The following FGF14 variants were observed in gnomAD, a reference collection of about 807,000 sequenced individuals.
FGF14 encodes the protein fibroblast growth factor homologous factor 4.
Under a neutral mutation model 25.5 loss-of-function variants are expected in FGF14, and 5 were observed. The ratio of observed to expected loss-of-function variants is 0.20; its 90% CI spans 0.10 to 0.41. The LOEUF is 0.41. Among genes scored for constraint, FGF14 ranks in the 10% least tolerant of loss-of-function variants. The pLI, the probability that FGF14 is intolerant of heterozygous loss-of-function variation, is 1.00. For missense variants in FGF14, 222 were observed against 320.1 expected (o/e 0.69, Z 2.34); for synonymous variants, 138 against 118.3 (o/e 1.17, Z -1.08).
intron 1 of FGF14, among the ~76,000 whole-genome samples, chr13:102,206,128 AACACACACACACAC>A (rs59340568): frequency 5.4e-5 from 8 of 147,054 alleles, no homozygotes; most frequent in South Asian, 2.2e-4. Context: ...TCAACCTTCA[AACACACACACACAC>A]ACACACACGG....
intron 1 of FGF14, among the ~76,000 whole-genome samples, chr13:102,229,097 C>T (rs1247005720): frequency 1.3e-5 from 2 of 152,100 alleles, no homozygotes; most frequent in Admixed American, 1.3e-4. Flanking sequence ...TGTCAGAGTC[C>T]AACCTTGCCC....
At chr13:102,075,668 C>G (rs1217438323) in intron 1 of FGF14, among the ~76,000 whole-genome samples, 2 of 152,136 alleles carry the variant, frequency 1.3e-5, no homozygotes, top group Non-Finnish European at 2.9e-5. Flanking sequence ...CTATAATAGA[C>G]AAGTTAACTG....
chr13:102,020,852 A>T (rs2040606671), intron 1 of FGF14, among the ~76,000 whole-genome samples: 1 of 152,012 alleles, frequency 6.6e-6, no homozygotes, highest in South Asian at 2.1e-4. Context: ...TTAGGGCAGC[A>T]GCATGATGAC....
chr13:101,980,062 AT>A (rs1368071957), intron 1 of FGF14, among the ~76,000 whole-genome samples: 5 of 152,226 alleles, frequency 3.3e-5, no homozygotes, highest in Non-Finnish European at 5.9e-5. Flanking sequence ...TCATGCTGTT[AT>A]TGCTACTATT....
intron 1 of FGF14, among the ~76,000 whole-genome samples, chr13:101,978,762 G>A (rs2038078684): frequency 6.6e-6 from 1 of 152,136 alleles, no homozygotes. Context: ...CCTCTTATCA[G>A]GCCACCAAGG....
intron 1 of FGF14, among the ~76,000 whole-genome samples, chr13:102,206,024 A>C (rs1432355150): frequency 8.3e-6 from 1 of 120,222 alleles, no homozygotes; most frequent in Non-Finnish European, 1.7e-5. Context: ...AAAAAAAAAA[A>C]AAAAAAAAAA....
intron 1 of FGF14, among the ~76,000 whole-genome samples, chr13:101,951,454 GA>G (rs2036163496): frequency 6.6e-6 from 1 of 151,934 alleles, no homozygotes; most frequent in Admixed American, 6.6e-5. Flanking sequence ...ACAATTTTAG[GA>G]ATTTTATTAA....
At chr13:102,259,673 T>A (rs1217127113) in intron 1 of FGF14, among the ~76,000 whole-genome samples, 1 of 152,150 alleles carries the variant, frequency 6.6e-6, no homozygotes, top group Non-Finnish European at 1.5e-5. Flanking sequence ...GAAGCCAGCA[T>A]AGCACCTAGA....
intron 1 of FGF14, among the ~76,000 whole-genome samples, chr13:101,924,434 A>T (rs1467780861): frequency 6.6e-6 from 1 of 152,194 alleles, no homozygotes; most frequent in East Asian, 1.9e-4. Context: ...AAAGGTAATT[A>T]AAATAGTGAT....
rs568069012 is a variant in FGF14, at chr13:101,916,306, C to G, written c.193+147G>C. 157 of 974,912 alleles carry G rather than the reference C, an allele frequency of 1.6e-4. No individual in the cohort carries two copies. The African/African-American group carries it at 2.4e-3, about 15-fold the overall frequency. 60.4% of individuals were successfully genotyped at this position (974,912 alleles called of 1,614,324 possible). On this transcript the variant is annotated intron_variant, in intron 1 of 4. Coordinates refer to ENST00000376143, the MANE Select transcript of FGF14 (RefSeq NM_004115.4). ...TTGCCCGACAGCGGACTCCAGGGTC[C>G]CCGCGACGGCACCCAGAGTGCTCAG... is the stretch of plus-strand genomic sequence containing the variant.
At chr13:102,010,771 T>C (rs1241943108) in intron 1 of FGF14, among the ~76,000 whole-genome samples, 1 of 152,130 alleles carries the variant, frequency 6.6e-6, no homozygotes, top group South Asian at 2.1e-4. Flanking sequence ...TTTTAGATAA[T>C]GCAACTGGCA....
At chr13:102,094,405 C>T (rs2044300694) in intron 1 of FGF14, among the ~76,000 whole-genome samples, 1 of 152,148 alleles carries the variant, frequency 6.6e-6, no homozygotes, top group African/African-American at 2.4e-5. Flanking sequence ...AAACAAGAAG[C>T]AGCAGATGAT....
chr13:101,951,252 A>C (rs559198676), intron 1 of FGF14, among the ~76,000 whole-genome samples: 2 of 152,178 alleles, frequency 1.3e-5, no homozygotes, highest in Admixed American at 6.5e-5. Flanking sequence ...ATATGATTTG[A>C]TGCATGTTGT....
intron 1 of FGF14, among the ~76,000 whole-genome samples, chr13:102,086,471 A>G (rs903472566): frequency 6.6e-6 from 1 of 152,064 alleles, no homozygotes; most frequent in Non-Finnish European, 1.5e-5. Context: ...CGGAGCTTGC[A>G]GTGAGCCGAG....
chr13:101,903,562 A>G (rs1182653707), intron 1 of FGF14, among the ~76,000 whole-genome samples: 1 of 152,054 alleles, frequency 6.6e-6, no homozygotes, highest in Non-Finnish European at 1.5e-5. Context: ...CTGTCTCTAT[A>G]TTCAAATCTG....
chr13:102,160,296 C>T (rs1028478109), intron 1 of FGF14, among the ~76,000 whole-genome samples: 13 of 152,098 alleles, frequency 8.5e-5, no homozygotes, highest in Admixed American at 3.3e-4. Flanking sequence ...CTGGTCTCTT[C>T]CCCCAGGGAC....
intron 1 of FGF14, among the ~76,000 whole-genome samples, chr13:102,052,658 T>C (rs1484816949): frequency 1.3e-5 from 2 of 151,122 alleles, no homozygotes; most frequent in East Asian, 3.9e-4. Context: ...AAAAAAACTG[T>C]CAACCAAGAA....
intron 1 of FGF14, among the ~76,000 whole-genome samples, chr13:101,968,850 C>T (rs988519520): frequency 7.5e-6 from 1 of 133,352 alleles, no homozygotes; most frequent in Non-Finnish European, 1.6e-5. Flanking sequence ...ATTCCATCAA[C>T]AGCCTTTTTT....
upstream of FGF14, among the ~76,000 whole-genome samples, chr13:101,919,501 C>T (rs1216162012): frequency 1.3e-5 from 2 of 151,816 alleles, no homozygotes; most frequent in Non-Finnish European, 2.9e-5. Flanking sequence ...TTTTTGCAGG[C>T]ATTTTCTTAT....
Sources: gnomAD v4.1 joint callset for allele counts (sites outside exome capture counted in the v4.1 genomes callset) on GRCh38, gnomAD v4.1.1 for gene constraint, MANE v1.5 for transcripts, NCBI Gene and HGNC (gene_info 2026-07-23, HGNC 2026-07-21) for gene names.